Variants in BAIAP2L1 observed in about 807,000 individuals in gnomAD.
BAIAP2L1 encodes the protein BAR/IMD domain-containing adapter protein 2-like 1.
BAIAP2L1 carries 35 observed loss-of-function variants against 66.3 expected under a neutral mutation model. That is an observed-to-expected ratio of 0.53 (90% CI 0.40 to 0.70). The LOEUF (loss-of-function observed/expected upper bound fraction) is 0.70. Among genes scored for constraint, BAIAP2L1 ranks in the 30% least tolerant of loss-of-function variants. The pLI, the probability that BAIAP2L1 is intolerant of heterozygous loss-of-function variation, is 0.00. For missense variants in BAIAP2L1, 622 were observed against 656.9 expected, an observed-to-expected ratio of 0.95 and a Z score of 0.58; for synonymous variants, 269 against 248.7, an observed-to-expected ratio of 1.08 and a Z score of -0.77.
chr7:98,343,237 G>GAA (rs1186355923), intron 3 of BAIAP2L1, among the ~76,000 whole-genome samples: 4 of 123,254 alleles, frequency 3.2e-5, no homozygotes, highest in African/African-American at 1.2e-4. Context: ...GTCTCTACTG[G>GAA]AAAAAAAAAA....
In BAIAP2L1 at chr7:98,316,772, C is replaced by T. The variant is rs1801086886; in HGVS notation, c.486+447G>A. ...CCCATTAACCAACCTCTCCTTCATCCACTCCCCAGTCAACACAATGACCAT... is the reference window on the plus strand; with the variant it reads ...CCCATTAACCAACCTCTCCTTCATCTACTCCCCAGTCAACACAATGACCAT... On this transcript the variant is annotated intron_variant, in intron 6 of 13. Transcript: ENST00000005260. Among the ~76,000 whole-genome samples the T allele has an allele frequency of 2.0e-5, 3 of 152,128 alleles. No individual in the cohort carries two copies. The South Asian group carries it at 6.2e-4, about 32-fold the overall frequency.
At chr7:98,380,878 C>A (rs1211236932) in intron 1 of BAIAP2L1, among the ~76,000 whole-genome samples, 1 of 139,610 alleles carries the variant, frequency 7.2e-6, no homozygotes, top group African/African-American at 2.6e-5. Flanking sequence ...GGATCTAAAT[C>A]CCTAATGTTA....
intron 1 of BAIAP2L1, among the ~76,000 whole-genome samples, chr7:98,383,712 G>C (rs920079032): frequency 6.6e-6 from 1 of 152,210 alleles, no homozygotes; most frequent in African/African-American, 2.4e-5. Context: ...GTGAATGTGT[G>C]TACTTACGTT....
At chr7:98,357,049 A>AT (rs750965128) in intron 2 of BAIAP2L1, among the ~76,000 whole-genome samples, 133 of 12,618 alleles carry the variant, frequency 0.011, 7 homozygotes, top group South Asian at 0.023. Flanking sequence ...ATATATATAT[A>AT]TTTTTTTTTT....
At chr7:98,321,656 A>T (rs1289652741) in intron 3 of BAIAP2L1, among the ~76,000 whole-genome samples, 1 of 152,208 alleles carries the variant, frequency 6.6e-6, no homozygotes, top group Non-Finnish European at 1.5e-5. Flanking sequence ...TATCTGCAGG[A>T]ACCAAACGGG....
chr7:98,349,126 T>G (rs950962301), intron 3 of BAIAP2L1, among the ~76,000 whole-genome samples: 2 of 152,168 alleles, frequency 1.3e-5, no homozygotes, highest in Admixed American at 6.5e-5. Context: ...TGTGACCCAA[T>G]GTGGTTGCCC....
chr7:98,340,825 C>CAGGGGACAGAA (rs1562776603), intron 3 of BAIAP2L1, among the ~76,000 whole-genome samples: 1 of 146,858 alleles, frequency 6.8e-6, no homozygotes, highest in East Asian at 2.0e-4. Flanking sequence ...GACAGAGTTT[C>CAGGGGACAGAA]ACTCTGTCAC....
At chr7:98,392,870 G>GCAACCTCCACCTCC (rs1554341788) in intron 1 of BAIAP2L1, among the ~76,000 whole-genome samples, 2 of 150,924 alleles carry the variant, frequency 1.3e-5, no homozygotes, top group Non-Finnish European at 3.0e-5. Flanking sequence ...TCAGCTCACT[G>GCAACCTCCACCTCC]CAACCTCCGC....
intron 3 of BAIAP2L1, 65 bp downstream of exon 3, chr7:98,354,977 C>A (rs561796872): frequency 1.6e-6 from 2 of 1,217,492 alleles, no homozygotes; most frequent in Admixed American, 1.7e-5. Context: ...GGCCATCCCA[C>A]GCGTTTCTCT....
chr7:98,345,314 T>C (rs1801844679), intron 3 of BAIAP2L1, among the ~76,000 whole-genome samples: 1 of 152,212 alleles, frequency 6.6e-6, no homozygotes, highest in Admixed American at 6.5e-5. Context: ...ACGGAACTGC[T>C]TTATAAATGA....
chr7:98,373,962 ATTTAT>A (rs1258873001), intron 1 of BAIAP2L1, among the ~76,000 whole-genome samples: 1 of 152,058 alleles, frequency 6.6e-6, no homozygotes, highest in Non-Finnish European at 1.5e-5. Flanking sequence ...GAGAACATTT[ATTTAT>A]TTTGAGATAG....
At chr7:98,332,499 C>T (rs1801520288) in intron 3 of BAIAP2L1, among the ~76,000 whole-genome samples, 1 of 147,784 alleles carries the variant, frequency 6.8e-6, no homozygotes, top group Non-Finnish European at 1.5e-5. Flanking sequence ...GTAAAGATGT[C>T]TCCTCTAAAA....
Position 98,293,082 on chromosome 7 carries a change from A to AT in BAIAP2L1, c.*438_*439insA. The AT allele has an allele frequency of 1.6e-6, 1 of 607,098 alleles. No individual in the cohort carries two copies. Among genetic ancestry groups the AT allele is most frequent in the Non-Finnish European group, 2.1e-6 (1 of 466,756 alleles). 37.6% of individuals were successfully genotyped at this position (607,098 alleles called of 1,614,324 possible). ...TTATGATTTGCATGCTAAGATGCAAACTTACGTGATATCTTCTTTAGACAT... is the reference window on the plus strand; with the variant it reads ...TTATGATTTGCATGCTAAGATGCAAATCTTACGTGATATCTTCTTTAGACAT... On this transcript the variant is annotated 3_prime_UTR_variant, in exon 14 of 14. Coordinates refer to ENST00000005260, the MANE Select transcript of BAIAP2L1 (RefSeq NM_018842.5).
At chr7:98,367,878 C>A (rs1802423456) in intron 1 of BAIAP2L1, among the ~76,000 whole-genome samples, 1 of 151,828 alleles carries the variant, frequency 6.6e-6, no homozygotes, top group African/African-American at 2.4e-5. Flanking sequence ...CCTGCCTCGG[C>A]CTCCCAAAGT....
At chr7:98,357,492 G>A (rs1310172979) in intron 2 of BAIAP2L1, among the ~76,000 whole-genome samples, 6 of 150,354 alleles carry the variant, frequency 4.0e-5, no homozygotes, top group African/African-American at 4.9e-5. Context: ...GCTTGAACTC[G>A]GGAGGCAGAG....
chr7:98,312,874 T>G (rs1159868713), intron 7 of BAIAP2L1, among the ~76,000 whole-genome samples: 1 of 152,094 alleles, frequency 6.6e-6, no homozygotes, highest in African/African-American at 2.4e-5. Flanking sequence ...AGAGTGCCCC[T>G]CCAGCACCCA....
chr7:98,320,724 C>T (rs769774309), intron 3 of BAIAP2L1, among the ~76,000 whole-genome samples: 12 of 152,170 alleles, frequency 7.9e-5, no homozygotes, highest in Admixed American at 5.9e-4. Context: ...AAGCATCATC[C>T]CTGAGACACA....
At chr7:98,397,298 C>T in intron 1 of BAIAP2L1, among the ~76,000 whole-genome samples, 1 of 141,622 alleles carries the variant, frequency 7.1e-6, no homozygotes, top group Admixed American at 7.2e-5. Context: ...CACACCCGTT[C>T]TTCCTCCACT....
chr7:98,344,475 T>C (rs1801826002), intron 3 of BAIAP2L1, among the ~76,000 whole-genome samples: 1 of 152,206 alleles, frequency 6.6e-6, no homozygotes, highest in Non-Finnish European at 1.5e-5. Flanking sequence ...ATAGATTCTA[T>C]TCATAAAGGA....
Sources: allele counts gnomAD v4.1 joint callset (sites outside exome capture counted in the v4.1 genomes callset), GRCh38; gene constraint gnomAD v4.1.1; transcripts MANE v1.5; gene names NCBI Gene and HGNC (gene_info 2026-07-23, HGNC 2026-07-21).